ZNF365: variants seen among roughly 807,000 people sequenced by gnomAD.
ZNF365 encodes zinc finger protein 365.
A neutral mutation model predicts 35.0 loss-of-function variants in ZNF365; 22 were observed. The ratio of observed to expected loss-of-function variants is 0.63; its 90% confidence interval spans 0.45 to 0.90. The LOEUF is 0.90. Ranked by LOEUF, ZNF365 falls within the 40% of genes least tolerant of loss-of-function variation. The probability of loss-of-function intolerance (pLI) is 0.00; values close to 1 mark genes in which losing one functional copy is unlikely to be tolerated. For synonymous variants in ZNF365, 188 were observed against 196.2 expected (o/e 0.96, Z 0.35); for missense variants, 448 against 500.3 (o/e 0.90, Z 1.00).
chr10:62,396,118 GC>G (rs978021210), intron 3 of ZNF365, among the ~76,000 whole-genome samples: 37 of 152,308 alleles, frequency 2.4e-4, no homozygotes, highest in African/African-American at 8.9e-4. Flanking sequence ...TTCTGTGGTG[GC>G]TGTGATGATA....
intron 3 of ZNF365, among the ~76,000 whole-genome samples, chr10:62,444,475 T>C (rs1376755162): frequency 1.3e-5 from 2 of 152,120 alleles, no homozygotes; most frequent in African/African-American, 4.8e-5. Flanking sequence ...CTAGCAATTG[T>C]CTTGGCCCTG....
intron 4 of ZNF365, among the ~76,000 whole-genome samples, chr10:62,469,152 A>G (rs919066161): frequency 6.6e-6 from 1 of 152,230 alleles, no homozygotes; most frequent in African/African-American, 2.4e-5. Context: ...AGAGCCAAAG[A>G]ATGATAACAT....
At chr10:62,421,783 C>T (rs1840172755) in intron 3 of ZNF365, among the ~76,000 whole-genome samples, 1 of 152,132 alleles carries the variant, frequency 6.6e-6, no homozygotes, top group South Asian at 2.1e-4. Context: ...TCTTTCAGGT[C>T]AGCATTAACT....
intron 3 of ZNF365, among the ~76,000 whole-genome samples, chr10:62,453,522 A>G (rs1840717478): frequency 6.6e-6 from 1 of 152,096 alleles, no homozygotes; most frequent in Non-Finnish European, 1.5e-5. Context: ...TCCTTATCCA[A>G]TCATCTGTTG....
chr10:62,430,889 AT>A (rs1486505071), intron 3 of ZNF365, among the ~76,000 whole-genome samples: 1 of 152,218 alleles, frequency 6.6e-6, no homozygotes, highest in African/African-American at 2.4e-5. Flanking sequence ...CTTTAGGTGT[AT>A]TCCTGAATGA....
At chr10:62,457,396 G>A (rs1840777856) in intron 3 of ZNF365, among the ~76,000 whole-genome samples, 1 of 152,210 alleles carries the variant, frequency 6.6e-6, no homozygotes, top group South Asian at 2.1e-4. Context: ...CAAGGGCATA[G>A]GTTGTACACT....
At position 62,471,113 on chromosome 10, in the gene ZNF365, G is replaced by T. The variant is rs34151239; in HGVS notation, c.982-8763G>T. On this transcript the variant is annotated intron_variant, in intron 4 of 4. Coordinates refer to the ZNF365 transcript ENST00000395255. ...CGGGTGCCGTGGCTCACTCCTGTAA[G>T]CCCAGCACTTTGGGAGGCCAAGGCG... Among the ~76,000 whole-genome samples the T allele has an allele frequency of 3.8e-3, 584 of 152,028 alleles. 3 individuals carry two copies. The highest frequency in any genetic ancestry group is 0.01 in the Middle Eastern group (3 of 294).
Position 62,398,747 on chromosome 10 carries a change from A to T in ZNF365, c.932A>T (p.Asp311Val), listed in dbSNP as rs935824971. 5.6e-6 allele frequency: 9 copies of T among 1,612,614 alleles called. No homozygotes were observed. Among genetic ancestry groups the T allele is most frequent in the Admixed American group, 5.0e-5 (3 of 59,840 alleles). Residue 311 changes from aspartate (D) to valine (V), a missense_variant, in exon 4 of 5, where the codon GAC becomes GTC. This residue lies in a region of ZNF365 where 362 missense variants were observed against 375.7 expected (regional missense o/e 0.96). Coordinates refer to ENST00000395254, the MANE Select transcript of ZNF365 (RefSeq NM_014951.3). ...TTATTTGTTTTCCTTCAGCTTACAGACATCTCCTCAAATAGGAAGCCCAAA... is the reference window on the plus strand; with the variant it reads ...TTATTTGTTTTCCTTCAGCTTACAGTCATCTCCTCAAATAGGAAGCCCAAA... ...VRDLSGHVLT[D>V]ISSNRKPKCL... is the part of the protein sequence containing the mutation.
rs145749918 is a variant in ZNF365, at chr10:62,399,371, A to C, written c.963-157A>C. On this transcript the variant is annotated intron_variant, in intron 4 of 4. Coordinates refer to ENST00000395254, the MANE Select transcript of ZNF365 (RefSeq NM_014951.3). ...CATGGCGACCACAGGAATTTTTGGA[A>C]GAAAAATACTCATATTATGATTTGC... 4.7e-3 allele frequency among the ~76,000 whole-genome samples: 714 copies of C among 152,328 alleles called. 8 individuals carry two copies. Among genetic ancestry groups the C allele is most frequent in the African/African-American group, 0.016 (677 of 41,564 alleles).
At chr10:62,438,186 T>C (rs2132462174) in intron 3 of ZNF365, among the ~76,000 whole-genome samples, 1 of 148,956 alleles carries the variant, frequency 6.7e-6, no homozygotes, top group East Asian at 1.9e-4. Flanking sequence ...TTCTTGTTTT[T>C]GTTTTTGTTT....
At chr10:62,474,997 C>A (rs1157238861) in intron 4 of ZNF365, among the ~76,000 whole-genome samples, 2 of 152,208 alleles carry the variant, frequency 1.3e-5, no homozygotes, top group Non-Finnish European at 2.9e-5. Context: ...TCCTTTTGGA[C>A]AATGCCTCTT....
chr10:62,439,232 T>C (rs1008288370), intron 3 of ZNF365, among the ~76,000 whole-genome samples: 1 of 152,204 alleles, frequency 6.6e-6, no homozygotes, highest in African/African-American at 2.4e-5. Context: ...ATGGGTCTAT[T>C]CTTTCTCTTC....
chr10:62,453,445 T>G (rs1840715095), intron 3 of ZNF365, among the ~76,000 whole-genome samples: 1 of 152,242 alleles, frequency 6.6e-6, no homozygotes, highest in Non-Finnish European at 1.5e-5. Flanking sequence ...CCATTCAAGC[T>G]GCAAAAGAGT....
At chr10:62,410,357 ATCTC>A (rs995113049) in intron 3 of ZNF365, among the ~76,000 whole-genome samples, 2 of 151,524 alleles carry the variant, frequency 1.3e-5, no homozygotes, top group African/African-American at 4.8e-5. Flanking sequence ...GTATAGAGGA[ATCTC>A]TCTCTCTCTC....
intron 4 of ZNF365, among the ~76,000 whole-genome samples, chr10:62,475,783 C>T (rs1841120872): frequency 6.6e-6 from 1 of 152,200 alleles, no homozygotes; most frequent in Non-Finnish European, 1.5e-5. Flanking sequence ...GCTGGTTTTT[C>T]TGAGGCAGGC....
intron 3 of ZNF365, among the ~76,000 whole-genome samples, chr10:62,455,304 T>A (rs373684012): frequency 6.6e-5 from 10 of 152,174 alleles, no homozygotes; most frequent in Non-Finnish European, 1.3e-4. Flanking sequence ...AAGCCCCAGT[T>A]GGCTAACAAC....
chr10:62,423,525 C>A (rs1840206216), intron 3 of ZNF365, among the ~76,000 whole-genome samples: 1 of 152,042 alleles, frequency 6.6e-6, no homozygotes, highest in Admixed American at 6.6e-5. Flanking sequence ...GTTTTGATAG[C>A]CAGGAAGAAA....
intron 3 of ZNF365, among the ~76,000 whole-genome samples, chr10:62,393,334 G>T (rs1839668490): frequency 1.3e-5 from 2 of 152,198 alleles, no homozygotes; most frequent in African/African-American, 4.8e-5. Flanking sequence ...TCATTATCAG[G>T]TATTATGCTC....
chr10:62,471,293 G>C (rs1157458151), intron 4 of ZNF365, among the ~76,000 whole-genome samples: 5 of 151,240 alleles, frequency 3.3e-5, no homozygotes, highest in Admixed American at 2.6e-4. Flanking sequence ...GTGAACCCGG[G>C]AGGCGGAGCT....
Sources: allele counts gnomAD v4.1 joint callset (sites outside exome capture counted in the v4.1 genomes callset), GRCh38; gene constraint gnomAD v4.1.1; regional missense constraint gnomAD v4.1.1; transcripts MANE v1.5; gene names NCBI Gene and HGNC (gene_info 2026-07-23, HGNC 2026-07-21).